Variants in SMURF2 observed in about 807,000 individuals in gnomAD.
SMURF2 encodes SMAD specific E3 ubiquitin protein ligase 2.
SMURF2 carries 48 observed loss-of-function variants against 109.6 expected under a neutral mutation model. The observed-to-expected ratio is 0.44, with a 90% CI of 0.35 to 0.56. The LOEUF is 0.56. Ranked by LOEUF, SMURF2 falls within the 20% of genes least tolerant of loss-of-function variation. The probability of loss-of-function intolerance (pLI) is 0.01; values close to 1 mark genes in which losing one functional copy is unlikely to be tolerated. For synonymous variants in SMURF2, 288 were observed against 317.1 expected, an observed-to-expected ratio of 0.91 and a Z score of 0.97; for missense variants, 575 against 909.0, an observed-to-expected ratio of 0.63 and a Z score of 4.72.
In SMURF2 at chr17:64,661,237, C is replaced by T. The variant is rs1191591841; in HGVS notation, c.52+592G>A. On this transcript the variant is annotated intron_variant, in intron 1 of 18. Transcript: ENST00000262435. ...AAGCCGTCGGATCAGACAGGCACAC[C>T]GGAAAAGTCAACCTGTCTCCTCACC... Among the ~76,000 whole-genome samples, 5 of 152,066 alleles carry T rather than the reference C, an allele frequency of 3.3e-5. No homozygotes were observed. The East Asian group carries it at 9.7e-4, about 29-fold the overall frequency.
chr17:64,576,069 G>A (rs537153505), intron 9 of SMURF2, among the ~76,000 whole-genome samples: 5 of 152,002 alleles, frequency 3.3e-5, no homozygotes, highest in Admixed American at 2.0e-4. Flanking sequence ...GCGGGGTATT[G>A]TGGCGCATGC....
At chr17:64,609,164 A>G (rs2144679133) in intron 1 of SMURF2, among the ~76,000 whole-genome samples, 1 of 152,338 alleles carries the variant, frequency 6.6e-6, no homozygotes, top group South Asian at 2.1e-4. Flanking sequence ...CATGGATAGG[A>G]AGAATCAATA....
intron 1 of SMURF2, chr17:64,660,709 C>CA (rs1040492329): frequency 6.6e-6 from 1 of 152,204 alleles, no homozygotes; most frequent in African/African-American, 2.4e-5. Flanking sequence ...CACGCACACA[C>CA]AAATCCTCTA....
chr17:64,557,082 T>C (rs1598269821), intron 13 of SMURF2, among the ~76,000 whole-genome samples: 2 of 152,254 alleles, frequency 1.3e-5, no homozygotes, highest in Non-Finnish European at 2.9e-5. Flanking sequence ...TGCTAACTTC[T>C]GTTGAGTGCT....
chr17:64,628,941 G>A (rs1970302120), intron 1 of SMURF2, among the ~76,000 whole-genome samples: 1 of 152,058 alleles, frequency 6.6e-6, no homozygotes, highest in Non-Finnish European at 1.5e-5. Flanking sequence ...TGTAGTATGG[G>A]ACAGACAACC....
chr17:64,629,807 C>T (rs1321420442), intron 1 of SMURF2, among the ~76,000 whole-genome samples: 1 of 152,108 alleles, frequency 6.6e-6, no homozygotes, highest in African/African-American at 2.4e-5. Context: ...TTTTTAAAAA[C>T]CATATGTCTC....
At chr17:64,586,985 G>A (rs1287459593) in intron 5 of SMURF2, among the ~76,000 whole-genome samples, 1 of 151,912 alleles carries the variant, frequency 6.6e-6, no homozygotes, top group African/African-American at 2.4e-5. Flanking sequence ...CAAACATGGT[G>A]AAACCCCGTC....
intron 1 of SMURF2, among the ~76,000 whole-genome samples, chr17:64,647,740 C>T (rs1474478403): frequency 3.3e-5 from 5 of 150,710 alleles, no homozygotes; most frequent in African/African-American, 1.2e-4. Flanking sequence ...GCTCATTTCA[C>T]TTTCACTGGT....
Position 64,547,597 on chromosome 17 carries a change from T to TA in SMURF2, c.2071+2dup, listed in dbSNP as rs1968977122. On this transcript the variant is annotated splice_region_variant and intron_variant, in intron 17 of 18. Transcript: ENST00000262435. The surrounding 1 kb of genome is among the most constrained non-coding windows in gnomAD (Gnocchi z 4.2). ...CCAGCTTGCCTGCACCTCAGGCTGT[T>TA]ACCTTGCAATGCTTTGAAGCCCTGC... 1 of 1,614,112 alleles carries TA rather than the reference T, an allele frequency of 6.2e-7. No individual in the cohort carries two copies. Among genetic ancestry groups the TA allele is most frequent in the Non-Finnish European group, 8.5e-7 (1 of 1,180,004 alleles).
chr17:64,641,682 A>T (rs533999543), intron 1 of SMURF2, among the ~76,000 whole-genome samples: 1 of 152,290 alleles, frequency 6.6e-6, no homozygotes, highest in Non-Finnish European at 1.5e-5. Context: ...GGAGGCTCTG[A>T]CATGACCTGA....
At chr17:64,654,189 A>G (rs190002755) in intron 1 of SMURF2, among the ~76,000 whole-genome samples, 19 of 152,222 alleles carry the variant, frequency 1.2e-4, no homozygotes, top group Non-Finnish European at 2.2e-4. Context: ...TCCTCCCTAA[A>G]AATGAATCAT....
intron 10 of SMURF2, among the ~76,000 whole-genome samples, chr17:64,570,870 T>A (rs1230066757): frequency 6.6e-6 from 1 of 152,170 alleles, no homozygotes; most frequent in African/African-American, 2.4e-5. Flanking sequence ...AGCCACGACC[T>A]CCTGAGCTCA....
At chr17:64,556,799 T>G (rs1183073992) in intron 13 of SMURF2, among the ~76,000 whole-genome samples, 1 of 152,234 alleles carries the variant, frequency 6.6e-6, no homozygotes, top group South Asian at 2.1e-4. Flanking sequence ...TTAAATTCTT[T>G]TACCTCTCTA....
intron 11 of SMURF2, 113 bp from the exon 12 acceptor site, chr17:64,561,716 G>A: frequency 1.4e-6 from 1 of 723,826 alleles, no homozygotes; most frequent in Non-Finnish European, 2.3e-6. Flanking sequence ...GTGAAATTTG[G>A]CCAGGTGCAG....
chr17:64,562,240 C>G (rs1452568732), intron 11 of SMURF2, among the ~76,000 whole-genome samples: 1 of 114,928 alleles, frequency 8.7e-6, no homozygotes, highest in African/African-American at 3.5e-5. Context: ...TTGCAGTGAG[C>G]TGAGATTGCG....
rs188421565 is a variant in SMURF2, at chr17:64,575,439, C to T, written c.857+3053G>A. Among the ~76,000 whole-genome samples the T allele has an allele frequency of 6.6e-4, 101 of 151,994 alleles. 2 individuals are homozygous for T. Among genetic ancestry groups the T allele is most frequent in the African/African-American group, 2.3e-3 (96 of 41,390 alleles). On this transcript the variant is annotated intron_variant, in intron 9 of 18. Transcript: ENST00000262435. The stretch of plus-strand genomic sequence containing the variant: ...AAGTGCTGGGATTACAGGTGTGAGC[C>T]ACCGAGCCCGGCCCCCACTACTTTT...
chr17:64,584,785 C>T (rs1235676151), intron 6 of SMURF2, among the ~76,000 whole-genome samples: 1 of 152,086 alleles, frequency 6.6e-6, no homozygotes, highest in Non-Finnish European at 1.5e-5. Flanking sequence ...CTCTAAAAGA[C>T]AGAAAATAAA....
At chr17:64,645,072 G>C (rs1555692887) in intron 1 of SMURF2, among the ~76,000 whole-genome samples, 1 of 151,502 alleles carries the variant, frequency 6.6e-6, no homozygotes, top group African/African-American at 2.4e-5. Flanking sequence ...GAAGGAGGAA[G>C]ATGGGTAACA....
intron 1 of SMURF2, among the ~76,000 whole-genome samples, chr17:64,646,148 C>A (rs1970556132): frequency 6.6e-6 from 1 of 151,414 alleles, no homozygotes; most frequent in Non-Finnish European, 1.5e-5. Context: ...CTCACTGCAA[C>A]CTCCATCTCC....
Sources: allele counts gnomAD v4.1 joint callset (sites outside exome capture counted in the v4.1 genomes callset), GRCh38; gene constraint gnomAD v4.1.1; non-coding constraint Gnocchi (gnomAD v3.1); transcripts MANE v1.5; gene names NCBI Gene and HGNC (gene_info 2026-07-23, HGNC 2026-07-21).